The following SDK2 variants were observed in gnomAD, a reference collection of about 807,000 sequenced individuals.
SDK2 encodes the protein sidekick cell adhesion molecule 2, also known as protein sidekick-2.
A neutral mutation model predicts 253.9 loss-of-function variants in SDK2; 105 were observed. The ratio of observed to expected loss-of-function variants is 0.41; its 90% CI spans 0.35 to 0.49. The LOEUF (loss-of-function observed/expected upper bound fraction) is 0.49, where lower values mean the gene tolerates loss of function less well. Among genes scored for constraint, SDK2 ranks in the 20% least tolerant of loss-of-function variants. The pLI is 0.06. For synonymous variants in SDK2, 1,249 were observed against 1,234.9 expected, an observed-to-expected ratio of 1.01 and a Z score of -0.24; for missense variants, 2,608 against 3,003.0, an observed-to-expected ratio of 0.87 and a Z score of 3.07.
chr17:73,431,265 A>G lies in SDK2; in HGVS notation c.1480+237T>C, dbSNP rs75879140. ...TGAAGGCAGCTCTCCTATAACTTCA[A>G]TGTTCTCTCAAGTCGGCCAAGCATA... On this transcript the variant is annotated intron_variant, in intron 11 of 44. Coordinates refer to ENST00000392650, the MANE Select transcript of SDK2 (RefSeq NM_001144952.2). This position sits in a 1 kb window ranked among gnomAD's most constrained non-coding sequence, Gnocchi z 5.6. Among the ~76,000 whole-genome samples the G allele has an allele frequency of 2.4e-3, 371 of 152,246 alleles. 11 individuals are homozygous for G. In the East Asian group the frequency reaches 0.066, roughly 27 times the overall value.
chr17:73,439,897 G>A (rs2063400647), intron 6 of SDK2, among the ~76,000 whole-genome samples: 1 of 152,160 alleles, frequency 6.6e-6, no homozygotes, highest in Non-Finnish European at 1.5e-5. Context: ...CTGAAGTGGT[G>A]ACACCTATGC....
chr17:73,574,370 A>G lies in SDK2; in HGVS notation c.65-66773T>C, dbSNP rs78171818. Reference sequence around the variant, plus strand: ...CAGTTCCCCTTGGTTAAATTTGTTTATAAAAGAACATCAGATCCAACCCTG... The same window carrying G: ...CAGTTCCCCTTGGTTAAATTTGTTTGTAAAAGAACATCAGATCCAACCCTG... On this transcript the variant is annotated intron_variant, in intron 1 of 44. Transcript: ENST00000392650. 7.5e-3 allele frequency among the ~76,000 whole-genome samples: 1,141 copies of G among 152,338 alleles called. 19 individuals are homozygous for G. Among genetic ancestry groups the G allele is most frequent in the African/African-American group, 0.026 (1,071 of 41,554 alleles).
At chr17:73,530,262 G>C (rs2064158769) in intron 1 of SDK2, among the ~76,000 whole-genome samples, 1 of 152,278 alleles carries the variant, frequency 6.6e-6, no homozygotes, top group Middle Eastern at 3.4e-3. Flanking sequence ...TGCATGGCTG[G>C]GGAGGCCGAG....
intron 1 of SDK2, among the ~76,000 whole-genome samples, chr17:73,602,420 TCTGA>T (rs2045853828): frequency 6.6e-6 from 1 of 152,004 alleles, no homozygotes; most frequent in African/African-American, 2.4e-5. Flanking sequence ...GTGCACCATC[TCTGA>T]CTCAGTATCC....
At chr17:73,348,557 G>A (rs1188353007) in intron 44 of SDK2, 42 bp downstream of exon 44, 4 of 1,601,284 alleles carry the variant, frequency 2.5e-6, no homozygotes, top group Middle Eastern at 1.7e-4. Context: ...GGGAGGCGCT[G>A]CTCCCTGCCC....
At chr17:73,521,986 A>G (rs568875305) in intron 1 of SDK2, among the ~76,000 whole-genome samples, 36 of 152,348 alleles carry the variant, frequency 2.4e-4, no homozygotes, top group African/African-American at 7.7e-4. Context: ...CCACACAGCA[A>G]TGCTGTGGAG....
chr17:73,365,143 AT>A (rs1452726176), intron 38 of SDK2, 114 bp downstream of exon 38: 2 of 724,160 alleles, frequency 2.8e-6, no homozygotes, highest in African/African-American at 3.6e-5. Flanking sequence ...TGTTTATAAG[AT>A]GGGGAGACTC....
At chr17:73,421,371 C>A (rs1170671171) in intron 15 of SDK2, among the ~76,000 whole-genome samples, 1 of 152,262 alleles carries the variant, frequency 6.6e-6, no homozygotes, top group African/African-American at 2.4e-5. Context: ...AAGCCCCAGG[C>A]GTCTTTCAAA....
intron 4 of SDK2, among the ~76,000 whole-genome samples, chr17:73,448,407 C>T (rs1486786443): frequency 6.6e-6 from 1 of 152,010 alleles, no homozygotes; most frequent in Non-Finnish European, 1.5e-5. Flanking sequence ...ATCTGTTGCC[C>T]AGGCTGGAGT....
chr17:73,418,401 C>T (rs557412460), intron 16 of SDK2, among the ~76,000 whole-genome samples: 1 of 152,262 alleles, frequency 6.6e-6, no homozygotes, highest in South Asian at 2.1e-4. Context: ...CATTTCTGAC[C>T]AGTTCTCAGG....
chr17:73,628,073 C>CA (rs1567881590), intron 1 of SDK2, among the ~76,000 whole-genome samples: 4 of 151,098 alleles, frequency 2.6e-5, no homozygotes, highest in East Asian at 3.9e-4. Flanking sequence ...AAAACAAAAC[C>CA]AAACCAAAAA....
At chr17:73,475,098 A>C (rs2063677036) in intron 2 of SDK2, among the ~76,000 whole-genome samples, 1 of 152,196 alleles carries the variant, frequency 6.6e-6, no homozygotes, top group South Asian at 2.1e-4. Context: ...GAAAATTAGA[A>C]TATGCCAGCT....
chr17:73,449,987 C>T (rs2063480410), intron 4 of SDK2, among the ~76,000 whole-genome samples: 1 of 152,170 alleles, frequency 6.6e-6, no homozygotes, highest in Admixed American at 6.5e-5. Context: ...TCCTTTTAAC[C>T]TCCAGCTAAT....
intron 1 of SDK2, among the ~76,000 whole-genome samples, chr17:73,552,804 C>G (rs945272088): frequency 1.3e-5 from 2 of 152,242 alleles, no homozygotes; most frequent in Non-Finnish European, 2.9e-5. Context: ...TTTGAACCAA[C>G]TCATTTGCAC....
chr17:73,384,442 G>A (rs1185083235), intron 32 of SDK2, among the ~76,000 whole-genome samples: 1 of 152,132 alleles, frequency 6.6e-6, no homozygotes, highest in African/African-American at 2.4e-5. Flanking sequence ...AACACTTCCT[G>A]GTGTTTCCTG....
chr17:73,418,010 G>GTTTTTTTTT lies in SDK2; in HGVS notation c.2186+1147_2186+1155dup, dbSNP rs397689294. On this transcript the variant is annotated intron_variant, in intron 16 of 44. Coordinates refer to ENST00000392650, the MANE Select transcript of SDK2 (RefSeq NM_001144952.2). ...AGATGCATCAAAGTCTCCTAGATGA[G>GTTTTTTTTT]TTTTTTTTTTTTTTTTTTGTTTTTA... Among the ~76,000 whole-genome samples, 44 of 128,228 alleles carry GTTTTTTTTT rather than the reference G, an allele frequency of 3.4e-4. 1 individual carries two copies. The highest frequency in any genetic ancestry group is 4.1e-4 in the Non-Finnish European group (26 of 62,868). The allele number at this position is 128,228 out of a possible 152,430, so 84.1% of individuals were successfully genotyped here.
chr17:73,416,824 C>T (rs964770153), intron 16 of SDK2, among the ~76,000 whole-genome samples: 12 of 150,068 alleles, frequency 8.0e-5, no homozygotes, highest in Middle Eastern at 3.5e-3. Flanking sequence ...CTCCTGACCT[C>T]GTGATCCACC....
chr17:73,602,727 G>T (rs1656540303), intron 1 of SDK2, among the ~76,000 whole-genome samples: 1 of 151,526 alleles, frequency 6.6e-6, no homozygotes, highest in Non-Finnish European at 1.5e-5. Context: ...GCGCTATTTT[G>T]TTGTTGTTGT....
Position 73,361,616 on chromosome 17 carries a change from G to C in SDK2, c.5467+68C>G. On this transcript the variant is annotated intron_variant, in intron 39 of 44. Transcript: ENST00000392650. The surrounding 1 kb of genome is among the most constrained non-coding windows in gnomAD (Gnocchi z 4.1). ...GGGTCCAGCACAGCTCTTGACACCG[G>C]GGGCCCCTTCTGACTGGGGACGCTG... 2 of 1,534,734 alleles carry C rather than the reference G, an allele frequency of 1.3e-6. No homozygotes were observed. The highest frequency in any genetic ancestry group is 8.9e-7 in the Non-Finnish European group (1 of 1,120,272).
Sources: allele counts gnomAD v4.1 joint callset (sites outside exome capture counted in the v4.1 genomes callset), GRCh38; gene constraint gnomAD v4.1.1; non-coding constraint Gnocchi (gnomAD v3.1); transcripts MANE v1.5; gene names NCBI Gene and HGNC (gene_info 2026-07-23, HGNC 2026-07-21).